Variants in TOP2B observed in about 807,000 individuals in gnomAD.
TOP2B encodes the protein DNA topoisomerase 2-beta.
In TOP2B, 51 loss-of-function variants were observed where a neutral mutation model predicts 193.5. That is an observed-to-expected ratio of 0.26 (90% confidence interval 0.21 to 0.33). The LOEUF (loss-of-function observed/expected upper bound fraction) is 0.33, where lower values mean the gene tolerates loss of function less well. Among genes scored for constraint, TOP2B ranks in the 10% least tolerant of loss-of-function variants. The probability of loss-of-function intolerance (pLI) is 1.00; values close to 1 mark genes in which losing one functional copy is unlikely to be tolerated. For missense variants in TOP2B, 1,378 were observed against 1,909.3 expected, an observed-to-expected ratio of 0.72 and a Z score of 5.19; for synonymous variants, 634 against 635.7, an observed-to-expected ratio of 1.00 and a Z score of 0.04.
intron 1 of TOP2B, among the ~76,000 whole-genome samples, chr3:25,659,834 A>C (rs1703857748): frequency 6.6e-6 from 1 of 152,206 alleles, no homozygotes; most frequent in African/African-American, 2.4e-5. Context: ...TTAAAGTTGA[A>C]GGCTGTGTAA....
intron 34 of TOP2B, among the ~76,000 whole-genome samples, chr3:25,600,118 C>T (rs957231407): frequency 1.3e-5 from 2 of 152,160 alleles, no homozygotes; most frequent in South Asian, 4.1e-4. Context: ...CCTTCTCAGA[C>T]CTAGACTCAG....
chr3:25,642,809 C>T lies in TOP2B; in HGVS notation c.332-424G>A, dbSNP rs145207205. 3.4e-3 allele frequency among the ~76,000 whole-genome samples: 522 copies of T among 152,222 alleles called. 9 individuals are homozygous for T. The highest frequency in any genetic ancestry group is 0.031 in the Middle Eastern group (9 of 292). On this transcript the variant is annotated intron_variant, in intron 3 of 35. Coordinates refer to ENST00000264331, the MANE Select transcript of TOP2B (RefSeq NM_001330700.2). ...TAGGCATATTGAATAGAAACCAGTT[C>T]ATTTTCAGTTACAAACAAAGAAAAA...
Position 25,645,594 on chromosome 3 carries a change from A to C in TOP2B, c.70-124T>G, listed in dbSNP as rs1703393241. ...TCTTTCAGACTGATTTTTTAAATCT[A>C]AAGAAAACACAGGTCTATTTACTGA... On this transcript the variant is annotated intron_variant, in intron 1 of 35. Transcript: ENST00000264331. 8.2e-6 allele frequency: 6 copies of C among 731,416 alleles called. No homozygotes were observed. In the Admixed American group the frequency reaches 1.3e-4, roughly 16 times the overall value. 45.3% of individuals were successfully genotyped at this position (731,416 alleles called of 1,614,324 possible). A position where few individuals can be genotyped will look rare whatever the true frequency, so the allele number is the denominator to read the frequency against.
chr3:25,653,691 A>C (rs938866011), intron 1 of TOP2B, among the ~76,000 whole-genome samples: 4 of 152,176 alleles, frequency 2.6e-5, no homozygotes, highest in Non-Finnish European at 4.4e-5. Context: ...TGGCCTCCCA[A>C]AGTGCTGGGA....
At chr3:25,620,149 A>T (rs546106396) in intron 22 of TOP2B, 87 bp from the exon 23 acceptor site, 2 of 877,698 alleles carry the variant, frequency 2.3e-6, no homozygotes, top group South Asian at 1.7e-5. Context: ...AAAATTCTCA[A>T]CTCTCATGGG....
At chr3:25,608,238 C>T (rs560386742) in intron 30 of TOP2B, among the ~76,000 whole-genome samples, 15 of 152,164 alleles carry the variant, frequency 9.9e-5, no homozygotes, top group Non-Finnish European at 1.6e-4. Flanking sequence ...TAATACAATG[C>T]ATAAAAAGAT....
chr3:25,601,023 A>C, intron 34 of TOP2B, 77 bp downstream of exon 34: 1 of 1,491,346 alleles, frequency 6.7e-7, no homozygotes, highest in Non-Finnish European at 9.1e-7. Flanking sequence ...TAGCCTCTCT[A>C]AATTCAATGA....
At chr3:25,639,396 C>G (rs1201914226) in intron 4 of TOP2B, among the ~76,000 whole-genome samples, 1 of 152,198 alleles carries the variant, frequency 6.6e-6, no homozygotes, top group Non-Finnish European at 1.5e-5. Flanking sequence ...CAACCTCTGC[C>G]TCCTGGGTTC....
At chr3:25,638,035 C>T (rs374106253) in intron 5 of TOP2B, 130 bp downstream of exon 5, 14 of 882,852 alleles carry the variant, frequency 1.6e-5, no homozygotes, top group East Asian at 2.8e-5. Flanking sequence ...AATATTTATA[C>T]ATGATAGTTT....
At position 25,663,754 on chromosome 3, in the gene TOP2B, A is replaced by G. The variant is rs569368399; in HGVS notation, c.69+475T>C. 1.7e-4 allele frequency among the ~76,000 whole-genome samples: 26 copies of G among 152,280 alleles called. No individual in the cohort carries two copies. The South Asian group carries it at 2.7e-3, about 16-fold the overall frequency. On this transcript the variant is annotated intron_variant, in intron 1 of 35. Transcript: ENST00000264331. ...AGTGCAAGTTGCTGTAGAAATCCCA[A>G]TGCATTCTTCTTTGAGATTAAAGCC...
chr3:25,659,397 G>C (rs1471480266), intron 1 of TOP2B, among the ~76,000 whole-genome samples: 1 of 152,078 alleles, frequency 6.6e-6, no homozygotes, highest in Non-Finnish European at 1.5e-5. Context: ...TATAATAAAG[G>C]GAATGAAAAT....
At chr3:25,656,360 A>T (rs1452810839) in intron 1 of TOP2B, among the ~76,000 whole-genome samples, 1 of 152,162 alleles carries the variant, frequency 6.6e-6, no homozygotes, top group East Asian at 1.9e-4. Flanking sequence ...GCTACTCTGG[A>T]GTCTGAGACC....
rs1702258342 is a variant in TOP2B, at chr3:25,607,271, A to G, written c.4198T>C (p.Ser1400Pro). The change falls in exon 31 of 36, where the codon TCT becomes CCT. Residue 1400 changes from serine to proline, a missense_variant. Physicochemically the swap from Ser to Pro is moderately conservative, Grantham distance 74. Transcript: ENST00000264331. Reference sequence around the variant, plus strand: ...TCTTCCCCATCATTTGTTATGGGAGATGCTTTAACTTTCAATTCCTCTAAA... The same window carrying G: ...TCTTCCCCATCATTTGTTATGGGAGGTGCTTTAACTTTCAATTCCTCTAAA... Reference protein sequence around the residue: ...NDLEELKVKASPITNDGEDEF... With the variant: ...NDLEELKVKAPPITNDGEDEF... 6.3e-7 allele frequency: 1 copy of G among 1,581,754 alleles called. No homozygotes were observed. The highest frequency in any genetic ancestry group is 1.3e-5 in the African/African-American group (1 of 74,428).
rs919085098 is a variant in TOP2B, at chr3:25,637,246, G to C, written c.608C>G (p.Ala203Gly). 1 of 1,559,106 alleles carries C rather than the reference G, an allele frequency of 6.4e-7. No individual in the cohort carries two copies. Among genetic ancestry groups the C allele is most frequent in the African/African-American group, 1.4e-5 (1 of 73,532 alleles). Residue 203 changes from alanine (A) to glycine (G), a missense_variant, in exon 6 of 36, where the codon GCT (alanine) becomes GGT (glycine). Around this residue, in one of 9 missense-constraint regions of TOP2B, gnomAD observed 222 missense variants for 306.6 expected, o/e 0.72. Coordinates refer to ENST00000264331, the MANE Select transcript of TOP2B (RefSeq NM_001330700.2). Reference protein sequence around the residue: ...IFSTKFTVETACKEYKHSFKQ... With the variant: ...IFSTKFTVETGCKEYKHSFKQ... ...AAAACTGTGTTTGTATTCTTTGCAA[G>C]CTGTTTCTACTGTAAACTTTGTACT...
rs371177249 is a variant in TOP2B, at chr3:25,632,521, C to T, written c.1191G>A (p.Gln397=). The change falls in exon 10 of 36, where the codon CAG becomes CAA. Residue 397 remains glutamine (Q), a synonymous_variant. Coordinates refer to ENST00000264331, the MANE Select transcript of TOP2B (RefSeq NM_001330700.2). ...GCTGCAGAGTCATGTTTTCCTTAGT[C>T]TGAGAATCAAAAGTTGGATTTTCAA... ...CLIENPTFDS[Q]TKENMTLQPK... The T allele has an allele frequency of 6.7e-5, 107 of 1,587,380 alleles. No homozygotes were observed. The South Asian group carries it at 9.6e-4, about 14-fold the overall frequency.
Position 25,604,863 on chromosome 3 carries a change from A to G in TOP2B, c.4386T>C (p.Ala1462=). ...SYSQKSEDDS[A]KFDSNEEDSA... is the part of the protein sequence containing the mutation. Reference sequence around the variant, plus strand: ...AATCTTCTTCATTACTGTCAAATTTAGCTGAATCTAAAAATTGCAAAGCCT... The same window carrying G: ...AATCTTCTTCATTACTGTCAAATTTGGCTGAATCTAAAAATTGCAAAGCCT... The change falls in exon 33 of 36, where the codon GCT becomes GCC. Residue 1462 remains alanine (A), a synonymous_variant. Transcript: ENST00000264331. 4 of 1,611,538 alleles carry G rather than the reference A, an allele frequency of 2.5e-6. No individual in the cohort carries two copies. Among genetic ancestry groups the G allele is most frequent in the Non-Finnish European group, 3.4e-6 (4 of 1,178,678 alleles).
At chr3:25,637,132 T>G in intron 6 of TOP2B, 83 bp downstream of exon 6, 1 of 1,059,308 alleles carries the variant, frequency 9.4e-7, no homozygotes, top group Non-Finnish European at 1.4e-6. Context: ...CAGGCATCAC[T>G]GCAATTTACC....
intron 10 of TOP2B, 93 bp from the exon 11 acceptor site, chr3:25,631,032 G>T: frequency 8.8e-7 from 1 of 1,141,576 alleles, no homozygotes; most frequent in Non-Finnish European, 1.2e-6. Flanking sequence ...TGGAATCTGT[G>T]CAATTTTAAG....
intron 1 of TOP2B, among the ~76,000 whole-genome samples, chr3:25,653,337 A>T (rs760096259): frequency 7.9e-5 from 12 of 152,016 alleles, no homozygotes; most frequent in Non-Finnish European, 1.6e-4. Flanking sequence ...ACAGAACAAT[A>T]CCCGTGATAA....
Sources: allele counts gnomAD v4.1 joint callset (sites outside exome capture counted in the v4.1 genomes callset), GRCh38; gene constraint gnomAD v4.1.1; regional missense constraint gnomAD v4.1.1; transcripts MANE v1.5; gene names NCBI Gene and HGNC (gene_info 2026-07-23, HGNC 2026-07-21).